LPA: variants seen among roughly 807,000 people sequenced by gnomAD.
LPA encodes apolipoprotein(a).
LPA carries 199 observed loss-of-function variants against 197.9 expected under a neutral mutation model. The ratio of observed to expected loss-of-function variants is 1.01; its 90% confidence interval spans 0.90 to 1.13. LPA has a LOEUF of 1.13. Ranked by LOEUF, LPA falls within the 50% of genes most tolerant of loss-of-function variation. The probability of loss-of-function intolerance (pLI) is 0.00; values close to 1 mark genes in which losing one functional copy is unlikely to be tolerated. For synonymous variants in LPA, 715 were observed against 639.5 expected, an observed-to-expected ratio of 1.12 and a Z score of -1.78; for missense variants, 1,853 against 1,785.8, an observed-to-expected ratio of 1.04 and a Z score of -0.68.
At position 160,611,681 on chromosome 6, in the gene LPA, G is replaced by A. The variant is rs569832683; in HGVS notation, c.2484C>T (p.His828=). 1.6e-4 allele frequency: 249 copies of A among 1,547,666 alleles called. No individual in the cohort carries two copies. The highest frequency in any genetic ancestry group is 6.1e-4 in the Admixed American group (36 of 58,630). Residue 828 remains histidine (H), a synonymous_variant, in exon 16 of 39, where the codon CAC becomes CAT. Coordinates refer to ENST00000316300, the MANE Select transcript of LPA (RefSeq NM_005577.4). ...EQRPGVQECY[H]GNGQSYRGTY... The stretch of plus-strand genomic sequence containing the variant: ...TGCCTCGATAACTCTGTCCATTACC[G>A]TGGTAGCACTCCTGCACCCCAGGCC...
chr6:160,610,153 C>A (rs1365072239), intron 16 of LPA, among the ~76,000 whole-genome samples: 1 of 152,022 alleles, frequency 6.6e-6, no homozygotes, highest in Non-Finnish European at 1.5e-5. Context: ...GGTCATGGAT[C>A]ACACGAAATT....
At chr6:160,561,598 T>G (rs1444604343) in intron 28 of LPA, among the ~76,000 whole-genome samples, 1 of 152,262 alleles carries the variant, frequency 6.6e-6, no homozygotes, top group Non-Finnish European at 1.5e-5. Context: ...TTTTTTCTAA[T>G]TATGTGAAGA....
At chr6:160,541,054 G>A (rs1777973337) in intron 35 of LPA, 53 bp downstream of exon 35, 10 of 1,442,722 alleles carry the variant, frequency 6.9e-6, no homozygotes, top group Non-Finnish European at 9.8e-6. Flanking sequence ...GGAAGAGAGG[G>A]AGGAAAAAAG....
At chr6:160,544,197 G>C (rs1778027604) in intron 33 of LPA, among the ~76,000 whole-genome samples, 1 of 152,026 alleles carries the variant, frequency 6.6e-6, no homozygotes, top group African/African-American at 2.4e-5. Flanking sequence ...GTCAGACTGG[G>C]CTTAAATTCA....
intron 28 of LPA, among the ~76,000 whole-genome samples, chr6:160,558,170 C>T (rs558767781): frequency 6.8e-4 from 103 of 152,202 alleles, no homozygotes; most frequent in Admixed American, 6.1e-3. Flanking sequence ...CCACCCACCT[C>T]GGCCTCCCAA....
At chr6:160,579,063 T>G (rs905189556) in intron 26 of LPA, among the ~76,000 whole-genome samples, 3 of 152,162 alleles carry the variant, frequency 2.0e-5, no homozygotes, top group Non-Finnish European at 2.9e-5. Context: ...CTTAGATTTT[T>G]TAATGCACAT....
At chr6:160,599,783 A>G (rs1433327168) in intron 19 of LPA, 124 bp from the exon 20 acceptor site, 1 of 1,031,872 alleles carries the variant, frequency 9.7e-7, no homozygotes, top group Admixed American at 2.0e-5. Flanking sequence ...TTCTTTATTA[A>G]TAGGCAAATG....
intron 19 of LPA, 132 bp downstream of exon 19, chr6:160,600,785 T>C: frequency 9.7e-7 from 1 of 1,032,038 alleles, no homozygotes; most frequent in Non-Finnish European, 1.5e-6. Context: ...CGCTAAGGCT[T>C]CCTCCCACAT....
At chr6:160,559,059 G>T (rs772271090) in intron 28 of LPA, among the ~76,000 whole-genome samples, 6 of 152,080 alleles carry the variant, frequency 3.9e-5, no homozygotes, top group Non-Finnish European at 8.8e-5. Context: ...GCACAGATCT[G>T]CAATGTTGTT....
intron 17 of LPA, among the ~76,000 whole-genome samples, chr6:160,605,598 G>A (rs1460306124): frequency 6.6e-6 from 1 of 152,158 alleles, no homozygotes; most frequent in Admixed American, 6.5e-5. Context: ...ATGCATTTGG[G>A]GGTACAGGCC....
In LPA at chr6:160,611,543, G is replaced by T; in HGVS notation, c.2603+19C>A. On this transcript the variant is annotated intron_variant, in intron 16 of 38. Transcript: ENST00000316300. ...TCAGTTGGCCCTTTATTCTCTTATG[G>T]TAAAGAACAAAGACATACGCATTTG... 6.2e-7 allele frequency: 1 copy of T among 1,606,968 alleles called. No individual in the cohort carries two copies. Among genetic ancestry groups the T allele is most frequent in the Non-Finnish European group, 8.5e-7 (1 of 1,179,030 alleles).
At chr6:160,631,438 T>C (rs1412741986) in intron 8 of LPA, among the ~76,000 whole-genome samples, 16 of 111,564 alleles carry the variant, frequency 1.4e-4, no homozygotes, top group Non-Finnish European at 2.4e-4. Flanking sequence ...ACATGGATGA[T>C]CTTCAAGGCA....
chr6:160,563,925 C>T (rs1203862674), intron 28 of LPA, among the ~76,000 whole-genome samples: 1 of 151,420 alleles, frequency 6.6e-6, no homozygotes, highest in Non-Finnish European at 1.5e-5. Context: ...GGTAAATATT[C>T]CTTCATTTCT....
intron 26 of LPA, among the ~76,000 whole-genome samples, chr6:160,580,624 C>T (rs1278878791): frequency 6.6e-6 from 1 of 152,154 alleles, no homozygotes; most frequent in Non-Finnish European, 1.5e-5. Context: ...TGTTCAGTGT[C>T]ATCTTATGAG....
chr6:160,583,032 G>C (rs908377099), intron 26 of LPA, among the ~76,000 whole-genome samples: 1 of 151,332 alleles, frequency 6.6e-6, no homozygotes, highest in Non-Finnish European at 1.5e-5. Context: ...CTCTCCATTT[G>C]GTCCTTTTAC....
chr6:160,659,005 A>G (rs1318864948), intron 1 of LPA, among the ~76,000 whole-genome samples: 2 of 152,070 alleles, frequency 1.3e-5, no homozygotes, highest in Admixed American at 6.6e-5. Flanking sequence ...AGTGGTATTA[A>G]CTCACAAGAT....
chr6:160,656,510 G>A (rs993956642), intron 1 of LPA, among the ~76,000 whole-genome samples: 8 of 152,198 alleles, frequency 5.3e-5, no homozygotes, highest in Non-Finnish European at 1.0e-4. Flanking sequence ...ACCTCCATAA[G>A]CCCCTACTTT....
intron 2 of LPA, among the ~76,000 whole-genome samples, chr6:160,647,097 G>T (rs1304231579): frequency 1.3e-5 from 2 of 152,198 alleles, no homozygotes; most frequent in African/African-American, 4.8e-5. Context: ...TCTAGAATGG[G>T]TTCCTGGGCA....
In LPA at chr6:160,600,078, A is replaced by T. The variant is rs536293613; in HGVS notation, c.3128-419T>A. On this transcript the variant is annotated intron_variant, in intron 19 of 38. Coordinates refer to ENST00000316300, the MANE Select transcript of LPA (RefSeq NM_005577.4). Reference sequence around the variant, plus strand: ...TTTGGGGAGGAGGCAAGGACATATAAAAACCTTGCATGTGTCCCTAGATGA... The same window carrying T: ...TTTGGGGAGGAGGCAAGGACATATATAAACCTTGCATGTGTCCCTAGATGA... Among the ~76,000 whole-genome samples, 7 of 152,270 alleles carry T rather than the reference A, an allele frequency of 4.6e-5. No homozygotes were observed. The East Asian group carries it at 1.4e-3, about 29-fold the overall frequency.
Sources: allele counts gnomAD v4.1 joint callset (sites outside exome capture counted in the v4.1 genomes callset), GRCh38; gene constraint gnomAD v4.1.1; transcripts MANE v1.5; gene names NCBI Gene and HGNC (gene_info 2026-07-23, HGNC 2026-07-21).